The following GRIN2B variants were observed in gnomAD, a reference collection of about 807,000 sequenced individuals.
The protein encoded by GRIN2B is glutamate receptor ionotropic, NMDA 2B.
GRIN2B carries 5 observed loss-of-function variants against 114.5 expected under a neutral mutation model. The ratio of observed to expected loss-of-function variants is 0.04; its 90% confidence interval spans 0.02 to 0.09. The LOEUF is 0.09. GRIN2B is among the 10% of genes least tolerant of loss of function. The probability of loss-of-function intolerance (pLI) is 1.00; values close to 1 mark genes in which losing one functional copy is unlikely to be tolerated. For missense variants in GRIN2B, 1,108 were observed against 1,943.5 expected (o/e 0.57, Z 8.08); for synonymous variants, 787 against 745.1 (o/e 1.06, Z -0.92).
chr12:13,562,878 G>C lies in GRIN2B; in HGVS notation c.4360C>G (p.Pro1454Ala). 6.2e-7 allele frequency: 1 copy of C among 1,614,086 alleles called. No individual in the cohort carries two copies. Among genetic ancestry groups the C allele is most frequent in the Non-Finnish European group, 8.5e-7 (1 of 1,179,912 alleles). The change falls in exon 14 of 14, where the codon CCC (proline) becomes GCC (alanine). Residue 1454 changes from proline (P) to alanine (A), a missense_variant. Pro to Ala is a conservative substitution (Grantham distance 27, BLOSUM62 -1). Transcript: ENST00000609686. ...GGGTTTTTGTTGTTAGGCACACAGG[G>C]GTTGGACTGGTTCCCTATACAGATG... The part of the protein sequence containing the change: ...KDICIGNQSN[P>A]CVPNNKNPRA...
chr12:13,845,387 C>T (rs548986234), intron 3 of GRIN2B, among the ~76,000 whole-genome samples: 1 of 152,252 alleles, frequency 6.6e-6, no homozygotes, highest in Non-Finnish European at 1.5e-5. Context: ...ATCCTCCCTC[C>T]CTACCCTAGT....
chr12:13,730,876 T>A (rs1009065730), intron 4 of GRIN2B, among the ~76,000 whole-genome samples: 4 of 152,164 alleles, frequency 2.6e-5, no homozygotes, highest in Non-Finnish European at 4.4e-5. Context: ...TCTACCACAT[T>A]TGACATGACT....
At chr12:13,855,050 A>G (rs977160780) in intron 3 of GRIN2B, among the ~76,000 whole-genome samples, 7 of 43,600 alleles carry the variant, frequency 1.6e-4, no homozygotes, top group South Asian at 1.1e-3. Context: ...ATCTCTACTG[A>G]AAAAAAAAAA....
chr12:13,790,728 T>G (rs963963786), intron 3 of GRIN2B, among the ~76,000 whole-genome samples: 3 of 152,164 alleles, frequency 2.0e-5, no homozygotes, highest in Non-Finnish European at 2.9e-5. Context: ...AAATACACAG[T>G]AGGAACTTCA....
intron 3 of GRIN2B, among the ~76,000 whole-genome samples, chr12:13,855,680 G>A (rs972645801): frequency 6.6e-6 from 1 of 152,026 alleles, no homozygotes; most frequent in Non-Finnish European, 1.5e-5. Context: ...TGTCTTATAA[G>A]GACATTTGTC....
intron 2 of GRIN2B, among the ~76,000 whole-genome samples, chr12:13,951,462 C>A (rs1348522017): frequency 6.6e-6 from 1 of 152,150 alleles, no homozygotes; most frequent in Non-Finnish European, 1.5e-5. Flanking sequence ...AAGAAGTCCC[C>A]TCGGGCAAAT....
intron 3 of GRIN2B, among the ~76,000 whole-genome samples, chr12:13,855,451 C>T (rs777042239): frequency 1.4e-4 from 21 of 152,078 alleles, no homozygotes; most frequent in Admixed American, 2.6e-4. Context: ...GCAGAAGACT[C>T]GGGGGCTTAA....
rs765471479 is a variant in GRIN2B at position 13,563,356 on chromosome 12, GTTC to G, written c.3879_3881del (p.Lys1293del). 2 of 1,614,068 alleles carry G rather than the reference GTTC, an allele frequency of 1.2e-6. No individual in the cohort carries two copies. The highest frequency in any genetic ancestry group is 2.2e-5 in the East Asian group (1 of 44,890). On this transcript the variant is annotated inframe_deletion, in exon 14 of 14. Transcript: ENST00000609686. ...AGTGCTGCCGGCGCAGTTTGTTCCG[GTTC>G]TTCTTCTGGGCCTTGGAATTAGTCG...
chr12:13,656,223 A>G (rs1036844880), intron 5 of GRIN2B, among the ~76,000 whole-genome samples: 2 of 152,244 alleles, frequency 1.3e-5, no homozygotes, highest in African/African-American at 4.8e-5. Context: ...AAAAAGGAAA[A>G]AAAGCATCAC....
At chr12:13,937,014 C>T (rs1347834920) in intron 2 of GRIN2B, among the ~76,000 whole-genome samples, 2 of 147,426 alleles carry the variant, frequency 1.4e-5, no homozygotes, top group Non-Finnish European at 1.5e-5. Flanking sequence ...TTATTTTTTT[C>T]ACCTTGGCTG....
chr12:13,784,386 T>C (rs220549), intron 3 of GRIN2B, among the ~76,000 whole-genome samples: 81,791 of 151,746 alleles, frequency 0.54, 23,008 homozygotes, highest in East Asian at 0.81. Flanking sequence ...ATTTGTTATG[T>C]GGGCACAATA....
At chr12:13,820,544 T>C (rs1352090053) in intron 3 of GRIN2B, among the ~76,000 whole-genome samples, 1 of 152,218 alleles carries the variant, frequency 6.6e-6, no homozygotes, top group African/African-American at 2.4e-5. Context: ...TAGTACTCAA[T>C]TCATTCTAAT....
chr12:13,905,611 G>C (rs1369978192), intron 2 of GRIN2B, among the ~76,000 whole-genome samples: 1 of 152,082 alleles, frequency 6.6e-6, no homozygotes, highest in Admixed American at 6.6e-5. Flanking sequence ...ATGAAGGAGT[G>C]GGGAGGTGGT....
intron 2 of GRIN2B, among the ~76,000 whole-genome samples, chr12:13,919,138 G>A (rs949526608): frequency 6.6e-6 from 1 of 152,130 alleles, no homozygotes; most frequent in Non-Finnish European, 1.5e-5. Flanking sequence ...TCAATAGTTA[G>A]CGTGCATATA....
intron 4 of GRIN2B, among the ~76,000 whole-genome samples, chr12:13,699,255 C>A (rs1950289812): frequency 6.6e-6 from 1 of 152,072 alleles, no homozygotes; most frequent in Non-Finnish European, 1.5e-5. Context: ...TCCCATCTCC[C>A]CAATACCTGC....
At chr12:13,726,952 T>G (rs147398106) in intron 4 of GRIN2B, among the ~76,000 whole-genome samples, 457 of 152,248 alleles carry the variant, frequency 3.0e-3, no homozygotes, top group African/African-American at 0.01. Context: ...ATTAACTAAT[T>G]AGTTATCGGA....
At chr12:13,836,859 T>C (rs1389097687) in intron 3 of GRIN2B, among the ~76,000 whole-genome samples, 5 of 152,094 alleles carry the variant, frequency 3.3e-5, no homozygotes, top group African/African-American at 1.2e-4. Context: ...CTGTGAGAAG[T>C]GGTGTGTGTC....
intron 2 of GRIN2B, among the ~76,000 whole-genome samples, chr12:13,969,537 A>C (rs1867842842): frequency 6.6e-6 from 1 of 152,190 alleles, no homozygotes; most frequent in African/African-American, 2.4e-5. Context: ...CTAGAATATA[A>C]TTTTCCATAG....
chr12:13,706,461 A>G (rs1315092761), intron 4 of GRIN2B, among the ~76,000 whole-genome samples: 2 of 152,154 alleles, frequency 1.3e-5, no homozygotes, highest in East Asian at 1.9e-4. Flanking sequence ...AGAGAAAATA[A>G]AAAGGTCAAA....
Sources: gnomAD v4.1 joint callset for allele counts (sites outside exome capture counted in the v4.1 genomes callset) on GRCh38, gnomAD v4.1.1 for gene constraint, MANE v1.5 for transcripts, NCBI Gene and HGNC (gene_info 2026-07-23, HGNC 2026-07-21) for gene names.